Variants in SIPA1 observed in about 807,000 individuals in gnomAD.
SIPA1 encodes signal-induced proliferation-associated 1.
Under a neutral mutation model 88.1 loss-of-function variants are expected in SIPA1, and 51 were observed. The ratio of observed to expected loss-of-function variants is 0.58; its 90% confidence interval spans 0.46 to 0.73. The LOEUF (loss-of-function observed/expected upper bound fraction) is 0.73. Among genes scored for constraint, SIPA1 ranks in the 30% least tolerant of loss-of-function variants. SIPA1 has a pLI of 0.00. For synonymous variants in SIPA1, 681 were observed against 664.8 expected, an observed-to-expected ratio of 1.02 and a Z score of -0.37; for missense variants, 1,348 against 1,467.6, an observed-to-expected ratio of 0.92 and a Z score of 1.33.
chr11:65,640,435 AC>A (rs1487412864), intron 1 of SIPA1: 2 of 157,390 alleles, frequency 1.3e-5, no homozygotes, highest in African/African-American at 4.8e-5. Context: ...AGTGGGCAGG[AC>A]CCAGACACCA....
chr11:65,647,333 G>T, intron 8 of SIPA1, 51 bp from the exon 9 acceptor site: 1 of 1,371,794 alleles, frequency 7.3e-7, no homozygotes, highest in African/African-American at 1.5e-5. Flanking sequence ...CGGGCGCTGG[G>T]GCGGCCCCAC....
At chr11:65,640,765 C>A (rs1855984297) in intron 1 of SIPA1, 66 bp from the exon 2 acceptor site, 1 of 609,752 alleles carries the variant, frequency 1.6e-6, no homozygotes, top group African/African-American at 2.0e-5. Context: ...TGGTGGAGGA[C>A]CAGGCTGGGG....
chr11:65,647,371 G>A lies in SIPA1; in HGVS notation c.2032-13G>A. 1 of 1,414,998 alleles carries A rather than the reference G, an allele frequency of 7.1e-7. No individual in the cohort carries two copies. Among genetic ancestry groups the A allele is most frequent in the Admixed American group, 3.2e-5 (1 of 30,784 alleles). The allele number at this position is 1,414,998 out of a possible 1,614,324, so 87.7% of individuals were successfully genotyped here. A position where few individuals can be genotyped will look rare whatever the true frequency, so the allele number is the denominator to read the frequency against. ...CCCGGCAGCCCCGCCCACTCGTCCCGCCCCGTCCGCAGCTGGTGAGCCGTG... is the reference window on the plus strand; with the variant it reads ...CCCGGCAGCCCCGCCCACTCGTCCCACCCCGTCCGCAGCTGGTGAGCCGTG... On this transcript the variant is annotated splice_polypyrimidine_tract_variant and intron_variant, in intron 8 of 15. Transcript: ENST00000534313.
Position 65,646,428 on chromosome 11 carries a change from C to T in SIPA1, c.1422-28C>T. 1 of 1,595,810 alleles carries T rather than the reference C, an allele frequency of 6.3e-7. No homozygotes were observed. The highest frequency in any genetic ancestry group is 8.5e-7 in the Non-Finnish European group (1 of 1,174,666). On this transcript the variant is annotated intron_variant, in intron 7 of 15. Coordinates refer to ENST00000534313, the MANE Select transcript of SIPA1 (RefSeq NM_006747.4). This position sits in a 1 kb window ranked among gnomAD's most constrained non-coding sequence, Gnocchi z 7.5. Reference sequence around the variant, plus strand: ...CTCCCGTGGGCATGGAGTCCTGCCGCCCCTCACTAACGCCTCCCTCCCCGC... The same window carrying T: ...CTCCCGTGGGCATGGAGTCCTGCCGTCCCTCACTAACGCCTCCCTCCCCGC...
intron 4 of SIPA1, among the ~76,000 whole-genome samples, chr11:65,644,189 G>C (rs994965756): frequency 1.3e-5 from 2 of 151,472 alleles, no homozygotes; most frequent in Non-Finnish European, 2.9e-5. Flanking sequence ...GGTTTGGTAG[G>C]CCGGTCTGAA....
In SIPA1 at chr11:65,641,134, T is replaced by A. The variant is rs547551469; in HGVS notation, c.213T>A (p.Arg71=). The change falls in exon 2 of 16, where the codon CGT becomes CGA. Residue 71 remains arginine (R), a synonymous_variant. Coordinates refer to ENST00000534313, the MANE Select transcript of SIPA1 (RefSeq NM_006747.4). ...CCACGCCAGCCAGCCCCCGTGCCCG[T>A]GCCCACAGCCACGAAGAGGCCAGCC... is the stretch of plus-strand genomic sequence containing the variant. ...RPPTPASPRA[R]AHSHEEASRP... 8.1e-6 allele frequency: 13 copies of A among 1,603,630 alleles called. No individual in the cohort carries two copies. The highest frequency in any genetic ancestry group is 1.1e-5 in the Non-Finnish European group (13 of 1,179,396).
At position 65,649,761 on chromosome 11, in the gene SIPA1, G is replaced by A. The variant is rs370389116; in HGVS notation, c.2642G>A (p.Arg881Lys). 6.2e-7 allele frequency: 1 copy of A among 1,613,976 alleles called. No individual in the cohort carries two copies. The highest frequency in any genetic ancestry group is 8.5e-7 in the Non-Finnish European group (1 of 1,180,046). Residue 881 changes from arginine (R) to lysine (K), a missense_variant, in exon 12 of 16, where the codon AGG (arginine) becomes AAG (lysine). This residue lies in a region of SIPA1 where 615 missense variants were observed against 559.8 expected (regional missense o/e 1.10). Coordinates refer to ENST00000534313, the MANE Select transcript of SIPA1 (RefSeq NM_006747.4). ...GTATCCACTTCTGTGGCACAGGACA[G>A]GCCAGGCAGTCCCAGTGGCTCTGAG... is the stretch of plus-strand genomic sequence containing the variant. The part of the protein sequence containing the change: ...ADSETPLTQD[R>K]PGSPSGSEDK...
intron 1 of SIPA1, chr11:65,640,204 C>G (rs926787238): frequency 6.6e-6 from 1 of 152,344 alleles, no homozygotes; most frequent in East Asian, 1.9e-4. Context: ...GGGCTGGGCC[C>G]ACAGTTGGGG....
intron 1 of SIPA1, among the ~76,000 whole-genome samples, chr11:65,638,841 G>A (rs1855948622): frequency 6.6e-6 from 1 of 152,228 alleles, no homozygotes; most frequent in Non-Finnish European, 1.5e-5. Context: ...AAGAGGCAGC[G>A]CACAGGCTGG....
chr11:65,642,087 T>A lies in SIPA1; in HGVS notation c.680-163T>A. On this transcript the variant is annotated intron_variant, in intron 2 of 15. Transcript: ENST00000534313. The surrounding 1 kb of genome is among the most constrained non-coding windows in gnomAD (Gnocchi z 6.5). Reference sequence around the variant, plus strand: ...GTCCACCTCTGGGTCAGGGTTGAGATCAAGATATTGAGCTCGGGGCTACAG... The same window carrying A: ...GTCCACCTCTGGGTCAGGGTTGAGAACAAGATATTGAGCTCGGGGCTACAG... The A allele has an allele frequency of 9.6e-7, 1 of 1,036,952 alleles. No individual in the cohort carries two copies. The highest frequency in any genetic ancestry group is 1.6e-5 in the South Asian group (1 of 63,734). 64.2% of individuals were successfully genotyped at this position (1,036,952 alleles called of 1,614,324 possible). A position where few individuals can be genotyped will look rare whatever the true frequency, so the allele number is the denominator to read the frequency against.
chr11:65,642,078 G>C lies in SIPA1; in HGVS notation c.680-172G>C, dbSNP rs1565179465. The stretch of plus-strand genomic sequence containing the variant: ...TGGGTCTGGGTCCACCTCTGGGTCA[G>C]GGTTGAGATCAAGATATTGAGCTCG... On this transcript the variant is annotated intron_variant, in intron 2 of 15. Coordinates refer to ENST00000534313, the MANE Select transcript of SIPA1 (RefSeq NM_006747.4). This position sits in a 1 kb window ranked among gnomAD's most constrained non-coding sequence, Gnocchi z 6.5. 1.0e-6 allele frequency: 1 copy of C among 955,236 alleles called. No homozygotes were observed. The highest frequency in any genetic ancestry group is 2.8e-5 in the East Asian group (1 of 35,794). 59.2% of individuals were successfully genotyped at this position (955,236 alleles called of 1,614,324 possible). A position where few individuals can be genotyped will look rare whatever the true frequency, so the allele number is the denominator to read the frequency against.
At position 65,646,215 on chromosome 11, in the gene SIPA1, C is replaced by T. The variant is rs1330159305; in HGVS notation, c.1264-6C>T. Reference sequence around the variant, plus strand: ...TCATCACGAGCCCCTACTATCCAACCCCTAGCTCCTCCGGAAGCGCCACAT... The same window carrying T: ...TCATCACGAGCCCCTACTATCCAACTCCTAGCTCCTCCGGAAGCGCCACAT... On this transcript the variant is annotated splice_region_variant and splice_polypyrimidine_tract_variant and intron_variant, in intron 6 of 15. Transcript: ENST00000534313. This position sits in a 1 kb window ranked among gnomAD's most constrained non-coding sequence, Gnocchi z 7.5. 4 of 1,613,546 alleles carry T rather than the reference C, an allele frequency of 2.5e-6. No individual in the cohort carries two copies. The highest frequency in any genetic ancestry group is 3.4e-6 in the Non-Finnish European group (4 of 1,179,910).
rs747523976 is a variant in SIPA1, at chr11:65,647,060, C to T, written c.2026C>T (p.Leu676=). 2 of 1,538,798 alleles carry T rather than the reference C, an allele frequency of 1.3e-6. No individual in the cohort carries two copies. The highest frequency in any genetic ancestry group is 2.0e-5 in the Admixed American group (1 of 50,626). The part of the protein sequence containing the change: ...GQAVGEVVAR[L]QLVSRGCETR... ...AGCCGTGGGCGAGGTGGTGGCGCGCCTGCAGGTGAGCTGGAGTGGTAAACT... is the reference window on the plus strand; with the variant it reads ...AGCCGTGGGCGAGGTGGTGGCGCGCTTGCAGGTGAGCTGGAGTGGTAAACT... The change falls in exon 8 of 16, where the codon CTG becomes TTG. Residue 676 remains leucine (L), a synonymous_variant. Coordinates refer to ENST00000534313, the MANE Select transcript of SIPA1 (RefSeq NM_006747.4).
rs1324049146 is a variant in SIPA1 at position 65,642,792 on chromosome 11, AT to A, written c.984+154del. Among the ~76,000 whole-genome samples the A allele has an allele frequency of 6.6e-6, 1 of 152,212 alleles. No homozygotes were observed. The highest frequency in any genetic ancestry group is 1.5e-5 in the Non-Finnish European group (1 of 68,046). On this transcript the variant is annotated intron_variant, in intron 4 of 15. Transcript: ENST00000534313. The surrounding 1 kb of genome is among the most constrained non-coding windows in gnomAD (Gnocchi z 6.5). ...TTTCAGAGACAGGGCATCAGAGTTC[AT>A]CTGGAGCCTTGCGTCTCAAAGTGAG...
At chr11:65,639,279 TTA>T (rs1211451543) in intron 1 of SIPA1, 1 of 152,158 alleles carries the variant, frequency 6.6e-6, no homozygotes, top group East Asian at 1.9e-4. Context: ...CGGCTAATTT[TTA>T]TGTTTTTAGT....
At chr11:65,649,191 T>C in intron 9 of SIPA1, 71 bp from the exon 10 acceptor site, 1 of 1,132,070 alleles carries the variant, frequency 8.8e-7, no homozygotes. Flanking sequence ...CCTGGCGGGC[T>C]GGGGGTGGGG....
intron 9 of SIPA1, among the ~76,000 whole-genome samples, chr11:65,647,867 CCT>C (rs1223660297): frequency 4.0e-5 from 6 of 151,132 alleles, no homozygotes; most frequent in African/African-American, 7.3e-5. Context: ...CTCTCTCTCT[CCT>C]CTCTCTTTTT....
chr11:65,645,159 C>A, intron 5 of SIPA1, 30 bp downstream of exon 5: 1 of 1,600,880 alleles, frequency 6.2e-7, no homozygotes, highest in Non-Finnish European at 8.5e-7. Flanking sequence ...GGGGTGGGAG[C>A]AGATCTGTGC....
intron 9 of SIPA1, among the ~76,000 whole-genome samples, chr11:65,648,007 G>A (rs1271913020): frequency 1.3e-5 from 2 of 152,062 alleles, no homozygotes; most frequent in Non-Finnish European, 2.9e-5. Flanking sequence ...TTGTAGCTGG[G>A]ATTACAGGCA....
Sources: gnomAD v4.1 joint callset for allele counts (sites outside exome capture counted in the v4.1 genomes callset) on GRCh38, gnomAD v4.1.1 for gene constraint, gnomAD v4.1.1 regional missense constraint, Gnocchi (gnomAD v3.1) non-coding constraint, MANE v1.5 for transcripts, NCBI Gene and HGNC (gene_info 2026-07-23, HGNC 2026-07-21) for gene names.